Variants in SPAG16 observed in about 807,000 individuals in gnomAD.
SPAG16 encodes the protein sperm-associated antigen 16 protein.
SPAG16 carries 86 observed loss-of-function variants against 80.4 expected under a neutral mutation model. The observed-to-expected ratio is 1.07, with a 90% CI of 0.90 to 1.28. The LOEUF is 1.28. Ranked by LOEUF, SPAG16 falls within the 50% of genes most tolerant of loss-of-function variation. The pLI is 0.00. For synonymous variants in SPAG16, 294 were observed against 265.9 expected (o/e 1.11, Z -1.03); for missense variants, 870 against 765.3 (o/e 1.14, Z -1.61).
intron 12 of SPAG16, among the ~76,000 whole-genome samples, chr2:213,983,936 C>T (rs2045887426): frequency 6.6e-6 from 1 of 151,882 alleles, no homozygotes; most frequent in Non-Finnish European, 1.5e-5. Flanking sequence ...TAAATTCCTG[C>T]CCTTATCATA....
intron 10 of SPAG16, among the ~76,000 whole-genome samples, chr2:213,717,155 C>CTTTTTTTTTTTTTTTTTTT (rs1339762204): frequency 1.4e-5 from 2 of 139,168 alleles, no homozygotes; most frequent in Admixed American, 7.2e-5. Flanking sequence ...AGAAACTTTT[C>CTTTTTTTTTTTTTTTTTTT]ATTTTTTTTT....
rs117854494 is a variant in SPAG16, at chr2:213,429,975, C to T, written c.942+54856C>T. The stretch of plus-strand genomic sequence containing the variant: ...ATAAAGAAACACAGTAATTCTCTAG[C>T]GACATGTCCTAACTAAAAAGAAATA... On this transcript the variant is annotated intron_variant, in intron 9 of 15. Coordinates refer to ENST00000331683, the MANE Select transcript of SPAG16 (RefSeq NM_024532.5). Among the ~76,000 whole-genome samples, 72 of 152,178 alleles carry T rather than the reference C, an allele frequency of 4.7e-4. 1 individual carries two copies. The East Asian group carries it at 0.012, about 26-fold the overall frequency.
At chr2:213,549,906 A>G (rs1211268869) in intron 10 of SPAG16, among the ~76,000 whole-genome samples, 1 of 152,118 alleles carries the variant, frequency 6.6e-6, no homozygotes, top group Non-Finnish European at 1.5e-5. Flanking sequence ...GGGAGGTGAC[A>G]TATCTCTTCA....
rs547651448 is a variant in SPAG16, at chr2:213,676,244, C to G, written c.1070+186154C>G. 3.9e-5 allele frequency among the ~76,000 whole-genome samples: 6 copies of G among 152,332 alleles called. No homozygotes were observed. In the East Asian group the frequency reaches 9.6e-4, roughly 24 times the overall value. ...TGTACATTGATTTTGTATCCTGAGA[C>G]TTTGCTAAAGTTGCTTATCAGCTTA... On this transcript the variant is annotated intron_variant, in intron 10 of 15. Coordinates refer to ENST00000331683, the MANE Select transcript of SPAG16 (RefSeq NM_024532.5).
intron 12 of SPAG16, among the ~76,000 whole-genome samples, chr2:213,947,763 G>C (rs766252141): frequency 4.6e-5 from 7 of 152,078 alleles, no homozygotes; most frequent in Non-Finnish European, 8.8e-5. Flanking sequence ...AGTCTATGTG[G>C]ATCTGTTTCT....
chr2:213,852,448 C>G (rs2074955837), intron 10 of SPAG16, among the ~76,000 whole-genome samples: 1 of 152,156 alleles, frequency 6.6e-6, no homozygotes, highest in South Asian at 2.1e-4. Flanking sequence ...GACTTTGGTA[C>G]TCGCCTTCCT....
chr2:214,395,031 T>C (rs1248798429), intron 15 of SPAG16, among the ~76,000 whole-genome samples: 1 of 152,244 alleles, frequency 6.6e-6, no homozygotes, highest in African/African-American at 2.4e-5. Flanking sequence ...TGCCTTTTCA[T>C]GGCTTGTTAG....
Position 213,322,105 on chromosome 2 carries a change from T to TA in SPAG16, c.536+4759dup, listed in dbSNP as rs200761935. On this transcript the variant is annotated intron_variant, in intron 5 of 15. Transcript: ENST00000331683. ...AAATAAATAAATAAATAAAAAAAAG[T>TA]AAAAAAAAAAGATTATAAAACACCA... Among the ~76,000 whole-genome samples, 214 of 146,106 alleles carry TA rather than the reference T, an allele frequency of 1.5e-3. 3 individuals are homozygous for TA. The highest frequency in any genetic ancestry group is 7.1e-3 in the South Asian group (33 of 4,622).
At chr2:213,519,642 T>C (rs2075582606) in intron 10 of SPAG16, among the ~76,000 whole-genome samples, 1 of 152,194 alleles carries the variant, frequency 6.6e-6, no homozygotes, top group East Asian at 1.9e-4. Flanking sequence ...ATCAGTAGCA[T>C]GAAAATGAAC....
intron 12 of SPAG16, among the ~76,000 whole-genome samples, chr2:213,976,133 TATACACAC>T (rs1475661009): frequency 1.4e-4 from 17 of 120,708 alleles, no homozygotes; most frequent in Admixed American, 3.3e-4. Flanking sequence ...TATATATATA[TATACACAC>T]ACACACACAC....
intron 8 of SPAG16, among the ~76,000 whole-genome samples, chr2:213,366,581 G>T (rs1316908537): frequency 1.3e-5 from 2 of 152,104 alleles, no homozygotes; most frequent in African/African-American, 2.4e-5. Context: ...GATCTTGTGA[G>T]ATTTATTCAC....
intron 13 of SPAG16, among the ~76,000 whole-genome samples, chr2:214,057,107 C>G (rs893020311): frequency 6.6e-6 from 1 of 151,938 alleles, no homozygotes; most frequent in African/African-American, 2.4e-5. Context: ...CTTCCAAACT[C>G]CTGTTAATCT....
At chr2:213,415,361 C>G (rs1352816314) in intron 9 of SPAG16, among the ~76,000 whole-genome samples, 1 of 152,182 alleles carries the variant, frequency 6.6e-6, no homozygotes, top group Non-Finnish European at 1.5e-5. Flanking sequence ...AAGGTACTTC[C>G]TCAAATTCCA....
At chr2:213,631,560 A>G (rs556020212) in intron 10 of SPAG16, among the ~76,000 whole-genome samples, 1 of 152,286 alleles carries the variant, frequency 6.6e-6, no homozygotes, top group Admixed American at 6.5e-5. Context: ...TGTTCTCATG[A>G]TGGAGTTCTC....
intron 15 of SPAG16, among the ~76,000 whole-genome samples, chr2:214,211,973 C>T (rs143329963): frequency 3.6e-4 from 55 of 152,292 alleles, no homozygotes; most frequent in African/African-American, 1.2e-3. Flanking sequence ...TACTGTGACA[C>T]TTGGTGCCTA....
intron 12 of SPAG16, among the ~76,000 whole-genome samples, chr2:213,967,951 C>T (rs1359079786): frequency 6.6e-5 from 10 of 152,036 alleles, no homozygotes; most frequent in Admixed American, 6.5e-4. Flanking sequence ...TATTTAATGG[C>T]TAATTTTTGA....
chr2:213,444,743 A>G (rs1321248791), intron 9 of SPAG16, among the ~76,000 whole-genome samples: 2 of 152,188 alleles, frequency 1.3e-5, no homozygotes, highest in Non-Finnish European at 2.9e-5. Flanking sequence ...AAAAAATTCT[A>G]AAATTTATAT....
At chr2:214,303,956 A>G (rs2125961460) in intron 15 of SPAG16, among the ~76,000 whole-genome samples, 1 of 152,278 alleles carries the variant, frequency 6.6e-6, no homozygotes, top group Non-Finnish European at 1.5e-5. Flanking sequence ...TTGATCACTC[A>G]GGTATTAAGC....
chr2:213,742,842 C>G (rs2662656), intron 10 of SPAG16, among the ~76,000 whole-genome samples: 140,636 of 152,086 alleles, frequency 0.92, 66,062 homozygotes, highest in East Asian at 1. Context: ...GGATTACAGG[C>G]GTGAGCCACC....
Sources: allele counts gnomAD v4.1 joint callset (sites outside exome capture counted in the v4.1 genomes callset), GRCh38; gene constraint gnomAD v4.1.1; transcripts MANE v1.5; gene names NCBI Gene and HGNC (gene_info 2026-07-23, HGNC 2026-07-21).